Variants in MARK1 observed in about 807,000 individuals in gnomAD.
MARK1 encodes serine/threonine-protein kinase MARK1.
In MARK1, 40 loss-of-function variants were observed where a neutral mutation model predicts 96.3. That is an observed-to-expected ratio of 0.42 (90% CI 0.32 to 0.54). The LOEUF (loss-of-function observed/expected upper bound fraction) is 0.54, where lower values mean the gene tolerates loss of function less well. MARK1 is among the 20% of genes least tolerant of loss of function. MARK1 has a pLI of 0.16. For missense variants in MARK1, 719 were observed against 984.6 expected (o/e 0.73, Z 3.61); for synonymous variants, 317 against 341.2 (o/e 0.93, Z 0.78).
chr1:220,560,757 G>A (rs569516027), intron 1 of MARK1, among the ~76,000 whole-genome samples: 3 of 152,194 alleles, frequency 2.0e-5, no homozygotes, highest in South Asian at 2.1e-4. Flanking sequence ...GCCTATTTCT[G>A]GAATTTTCAA....
chr1:220,639,416 A>G (rs74139794), intron 13 of MARK1, among the ~76,000 whole-genome samples: 1,713 of 152,318 alleles, frequency 0.011, 26 homozygotes, highest in African/African-American at 0.039. Flanking sequence ...AGATCGGAAC[A>G]TCAAGATCTT....
intron 1 of MARK1, among the ~76,000 whole-genome samples, chr1:220,544,454 C>T (rs924202547): frequency 2.6e-5 from 4 of 152,218 alleles, no homozygotes; most frequent in Admixed American, 2.6e-4. Flanking sequence ...CTTTTGCACA[C>T]TTGCTTACCC....
intron 1 of MARK1, among the ~76,000 whole-genome samples, chr1:220,564,053 C>T (rs1357835918): frequency 6.6e-6 from 1 of 152,134 alleles, no homozygotes; most frequent in Non-Finnish European, 1.5e-5. Flanking sequence ...AAATGGATTA[C>T]ATGCTTATTT....
intron 15 of MARK1, among the ~76,000 whole-genome samples, chr1:220,652,605 G>C (rs1668943986): frequency 6.6e-6 from 1 of 152,034 alleles, no homozygotes; most frequent in Non-Finnish European, 1.5e-5. Context: ...TTGTATAATT[G>C]TTTTTCTAGT....
At position 220,546,590 on chromosome 1, in the gene MARK1, T is replaced by G. The variant is rs372696429; in HGVS notation, c.51+17717T>G. 2.0e-5 allele frequency among the ~76,000 whole-genome samples: 3 copies of G among 152,242 alleles called. No individual in the cohort carries two copies. The East Asian group carries it at 5.8e-4, about 29-fold the overall frequency. ...AGCTACTGCTCTGTTCTGGGTTAGA[T>G]TTATCTTTCTATTACCACCTCTTCA... On this transcript the variant is annotated intron_variant, in intron 1 of 17. Transcript: ENST00000366917.
chr1:220,559,107 C>T (rs932785321), intron 1 of MARK1, among the ~76,000 whole-genome samples: 5 of 152,070 alleles, frequency 3.3e-5, no homozygotes, highest in Admixed American at 2.0e-4. Context: ...AGAAAAATTA[C>T]AGAAATCAGA....
chr1:220,599,371 C>T (rs751590970), intron 4 of MARK1, among the ~76,000 whole-genome samples: 2 of 151,952 alleles, frequency 1.3e-5, no homozygotes, highest in Non-Finnish European at 2.9e-5. Context: ...ATTTTTCTAA[C>T]CAGAAACTTT....
At chr1:220,542,133 A>G (rs1017070870) in intron 1 of MARK1, among the ~76,000 whole-genome samples, 2 of 152,112 alleles carry the variant, frequency 1.3e-5, no homozygotes, top group Admixed American at 6.6e-5. Flanking sequence ...AATTTCATTT[A>G]TCATATTTTT....
chr1:220,563,567 G>A (rs1433567324), intron 1 of MARK1, among the ~76,000 whole-genome samples: 1 of 152,126 alleles, frequency 6.6e-6, no homozygotes, highest in East Asian at 1.9e-4. Flanking sequence ...AGAAAATAAA[G>A]GAAAGTTAAA....
At chr1:220,597,936 C>T (rs1421625407) in intron 3 of MARK1, among the ~76,000 whole-genome samples, 1 of 152,028 alleles carries the variant, frequency 6.6e-6, no homozygotes, top group African/African-American at 2.4e-5. Flanking sequence ...GAGTCAAACC[C>T]CTAAGGAAGG....
At chr1:220,646,834 G>T (rs1668602112) in intron 13 of MARK1, among the ~76,000 whole-genome samples, 1 of 152,156 alleles carries the variant, frequency 6.6e-6, no homozygotes, top group Non-Finnish European at 1.5e-5. Context: ...ATTGTGCTGG[G>T]AGAACTAGCT....
intron 3 of MARK1, among the ~76,000 whole-genome samples, chr1:220,596,955 A>T (rs1665405856): frequency 6.6e-6 from 1 of 152,182 alleles, no homozygotes; most frequent in South Asian, 2.1e-4. Context: ...TTATATAAGC[A>T]TAATCATACA....
At chr1:220,624,866 C>T (rs971361046) in intron 9 of MARK1, among the ~76,000 whole-genome samples, 1 of 152,184 alleles carries the variant, frequency 6.6e-6, no homozygotes, top group Non-Finnish European at 1.5e-5. Flanking sequence ...CTGCCAGGCA[C>T]CTGATTTAAA....
In MARK1 at chr1:220,544,155, C is replaced by T. The variant is rs186862804; in HGVS notation, c.51+15282C>T. ...TTTAAAGAGGAATTTCATGTTCTTC[C>T]CTTCCCTTTCCTCAAATTTATGTGG... On this transcript the variant is annotated intron_variant, in intron 1 of 17. Transcript: ENST00000366917. 1.8e-4 allele frequency among the ~76,000 whole-genome samples: 28 copies of T among 152,272 alleles called. No homozygotes were observed. In the East Asian group the frequency reaches 4.8e-3, roughly 26 times the overall value.
intron 3 of MARK1, among the ~76,000 whole-genome samples, chr1:220,585,467 G>GCA (rs2102858201): frequency 6.6e-6 from 1 of 152,266 alleles, no homozygotes; most frequent in South Asian, 2.1e-4. Context: ...AACAAACTGT[G>GCA]CAGTTTAGTG....
intron 6 of MARK1, among the ~76,000 whole-genome samples, chr1:220,604,639 G>A (rs191633833): frequency 1.4e-3 from 208 of 151,898 alleles, no homozygotes; most frequent in African/African-American, 4.5e-3. Flanking sequence ...CCAAATTGTG[G>A]CAGAGGAATA....
intron 9 of MARK1, chr1:220,625,695 A>G (rs986122305): frequency 1.1e-5 from 4 of 371,734 alleles, no homozygotes; most frequent in Admixed American, 3.4e-5. Flanking sequence ...TACCTTAAAC[A>G]TTACTGTTGA....
chr1:220,594,148 G>A (rs1665171177), intron 3 of MARK1, among the ~76,000 whole-genome samples: 1 of 152,232 alleles, frequency 6.6e-6, no homozygotes, highest in South Asian at 2.1e-4. Flanking sequence ...GAGGATTGGA[G>A]CAGGCTTCTC....
chr1:220,644,231 A>T (rs1208130022), intron 13 of MARK1, among the ~76,000 whole-genome samples: 1 of 152,160 alleles, frequency 6.6e-6, no homozygotes, highest in Non-Finnish European at 1.5e-5. Context: ...AACTTTACCA[A>T]GCAAATAGAA....
Sources: gnomAD v4.1 joint callset for allele counts (sites outside exome capture counted in the v4.1 genomes callset) on GRCh38, gnomAD v4.1.1 for gene constraint, MANE v1.5 for transcripts, NCBI Gene and HGNC (gene_info 2026-07-23, HGNC 2026-07-21) for gene names.